Variants in CCDC169 observed in about 807,000 individuals in gnomAD.
CCDC169 encodes the protein coiled-coil domain containing 169, also known as coiled-coil domain-containing protein 169.
A neutral mutation model predicts 36.0 loss-of-function variants in CCDC169; 30 were observed. The observed-to-expected ratio is 0.83, with a 90% CI of 0.62 to 1.13. The LOEUF (loss-of-function observed/expected upper bound fraction) is 1.13. CCDC169 is among the 50% of genes most tolerant of loss of function. The probability of loss-of-function intolerance (pLI) is 0.00; values close to 1 mark genes in which losing one functional copy is unlikely to be tolerated. For missense variants in CCDC169, 245 were observed against 245.9 expected, an observed-to-expected ratio of 1.00 and a Z score of 0.03; for synonymous variants, 85 against 81.5, an observed-to-expected ratio of 1.04 and a Z score of -0.23.
chr13:36,258,086 A>AC (rs5802817), intron 4 of CCDC169, among the ~76,000 whole-genome samples: 61,599 of 151,866 alleles, frequency 0.41, 13,263 homozygotes, highest in Non-Finnish European at 0.48. Flanking sequence ...GCAGAATTTG[A>AC]CCCTAGTTTT....
At chr13:36,228,155 T>C (rs1870049805), downstream of CCDC169, among the ~76,000 whole-genome samples, 1 of 152,176 alleles carries the variant, frequency 6.6e-6, no homozygotes, top group Admixed American at 6.6e-5. Context: ...TACGTGGACA[T>C]GGGTTTCCAT....
chr13:36,285,185 T>C (rs1473892972), intron 2 of CCDC169, among the ~76,000 whole-genome samples: 1 of 152,238 alleles, frequency 6.6e-6, no homozygotes, highest in Non-Finnish European at 1.5e-5. Flanking sequence ...GTACAGTTTA[T>C]AAATTTTGAC....
intron 7 of CCDC169, among the ~76,000 whole-genome samples, chr13:36,241,018 C>G (rs562245796): frequency 1.4e-4 from 21 of 152,140 alleles, no homozygotes; most frequent in African/African-American, 5.1e-4. Flanking sequence ...TATGTCTACA[C>G]AGTAGGACTA....
chr13:36,243,963 C>T (rs1045453013), intron 7 of CCDC169, among the ~76,000 whole-genome samples: 1 of 152,182 alleles, frequency 6.6e-6, no homozygotes, highest in Non-Finnish European at 1.5e-5. Context: ...TATGTGCTAA[C>T]ATATGATTAG....
chr13:36,257,190 TGCCTTGGG>T (rs1175944807), intron 4 of CCDC169, among the ~76,000 whole-genome samples: 4 of 152,190 alleles, frequency 2.6e-5, no homozygotes, highest in Non-Finnish European at 5.9e-5. Context: ...ACTTATGCAA[TGCCTTGGG>T]GGAGTGGAAA....
At chr13:36,242,597 A>G (rs1262477500) in intron 7 of CCDC169, among the ~76,000 whole-genome samples, 1 of 152,178 alleles carries the variant, frequency 6.6e-6, no homozygotes, top group East Asian at 1.9e-4. Context: ...TCAGAGAGTG[A>G]ACGGGTTTTT....
At chr13:36,253,772 C>T in intron 6 of CCDC169, 31 bp downstream of exon 6, 1 of 1,535,606 alleles carries the variant, frequency 6.5e-7, no homozygotes, top group Middle Eastern at 1.7e-4. Flanking sequence ...TAAGAAGAAA[C>T]ACTTAGAATT....
chr13:36,255,490 C>T (rs910184818), intron 4 of CCDC169, among the ~76,000 whole-genome samples: 2 of 152,072 alleles, frequency 1.3e-5, no homozygotes, highest in Admixed American at 6.6e-5. Context: ...ATGGCGAACC[C>T]TGTCTGCACT....
intron 4 of CCDC169, chr13:36,282,869 G>A (rs998250074): frequency 2.0e-5 from 3 of 152,532 alleles, no homozygotes; most frequent in African/African-American, 7.2e-5. Context: ...CTCTCCACAA[G>A]GGTGGTGATA....
In CCDC169 at chr13:36,231,233, T is replaced by C; in HGVS notation, c.605A>G (p.Lys202Arg). 1.3e-6 allele frequency: 2 copies of C among 1,551,378 alleles called. No homozygotes were observed. Among genetic ancestry groups the C allele is most frequent in the South Asian group, 2.4e-5 (2 of 84,058 alleles). Residue 202 changes from lysine (K) to arginine (R), a missense_variant, in exon 8 of 8, where the codon AAG becomes AGG. By Grantham distance (26) the Lys-to-Arg change is conservative (BLOSUM62 2). Coordinates refer to ENST00000239859, the MANE Select transcript of CCDC169 (RefSeq NM_001144981.3). ...TVSAKRGPVK[K>R]ITRPNHLPEL... ...TGGAAGATGGTTTGGTCTTGTAATC[T>C]TTTTTACTGGTCCTCTCTTGGCACT...
chr13:36,238,985 C>T (rs1871412711), intron 7 of CCDC169, among the ~76,000 whole-genome samples: 1 of 152,124 alleles, frequency 6.6e-6, no homozygotes, highest in East Asian at 1.9e-4. Context: ...AATCCCAGCA[C>T]TTTAGGAGGC....
intron 6 of CCDC169, among the ~76,000 whole-genome samples, chr13:36,249,725 T>C (rs1872915407): frequency 7.3e-6 from 1 of 136,554 alleles, no homozygotes; most frequent in Non-Finnish European, 1.7e-5. Flanking sequence ...AGATTAAAAA[T>C]ATGCGAAGGG....
At chr13:36,262,598 C>A (rs1218924982) in intron 4 of CCDC169, among the ~76,000 whole-genome samples, 1 of 152,154 alleles carries the variant, frequency 6.6e-6, no homozygotes. Context: ...ACCTGAAGAT[C>A]CCCTGCCCCA....
intron 7 of CCDC169, among the ~76,000 whole-genome samples, chr13:36,244,126 G>A (rs1872197226): frequency 6.6e-6 from 1 of 152,182 alleles, no homozygotes; most frequent in South Asian, 2.1e-4. Context: ...GGGTGGTTGT[G>A]CAGAAAAGTC....
chr13:36,266,548 A>T (rs1424907882), intron 4 of CCDC169, among the ~76,000 whole-genome samples: 1 of 151,892 alleles, frequency 6.6e-6, no homozygotes. Context: ...GAGCTCTGCA[A>T]CTCTCACAAT....
At chr13:36,259,469 T>A (rs571911881) in intron 4 of CCDC169, among the ~76,000 whole-genome samples, 1 of 152,220 alleles carries the variant, frequency 6.6e-6, no homozygotes, top group Non-Finnish European at 1.5e-5. Flanking sequence ...CTCCACAGAG[T>A]GAAGCAGGCT....
intron 7 of CCDC169, among the ~76,000 whole-genome samples, chr13:36,247,041 T>C (rs1313103499): frequency 6.6e-6 from 1 of 152,180 alleles, no homozygotes; most frequent in African/African-American, 2.4e-5. Context: ...CAATTACCAT[T>C]CTGAAAATCC....
intron 7 of CCDC169, chr13:36,244,311 T>C (rs916090712): frequency 2.0e-5 from 3 of 152,246 alleles, no homozygotes; most frequent in East Asian, 1.9e-4. Flanking sequence ...GTGGTTTATA[T>C]TGAACACCTG....
downstream of CCDC169, chr13:36,226,753 T>C (rs565331755): frequency 2.7e-5 from 5 of 185,066 alleles, no homozygotes; most frequent in Non-Finnish European, 4.4e-5. Context: ...TGGGTACTCA[T>C]GGACATAAAG....
Sources: gnomAD v4.1 joint callset for allele counts (sites outside exome capture counted in the v4.1 genomes callset) on GRCh38, gnomAD v4.1.1 for gene constraint, MANE v1.5 for transcripts, NCBI Gene and HGNC (gene_info 2026-07-23, HGNC 2026-07-21) for gene names.